TAFA4: variants seen among roughly 807,000 people sequenced by gnomAD.
TAFA4 encodes the protein TAFA chemokine like family member 4.
Under a neutral mutation model 21.1 loss-of-function variants are expected in TAFA4, and 20 were observed. The observed-to-expected ratio is 0.95, with a 90% CI of 0.67 to 1.38. The LOEUF is 1.38. TAFA4 is among the 40% of genes most tolerant of loss of function. The pLI is 0.00. For missense variants in TAFA4, 211 were observed against 180.9 expected (o/e 1.17, Z -0.95); for synonymous variants, 71 against 67.4 (o/e 1.05, Z -0.26).
intron 3 of TAFA4, among the ~76,000 whole-genome samples, chr3:68,763,312 C>A (rs1302506218): frequency 1.3e-5 from 2 of 152,118 alleles, no homozygotes; most frequent in African/African-American, 4.8e-5. Context: ...TACATTATTT[C>A]CCCTGAAAAG....
chr3:68,740,885 C>T (rs1199860033), intron 4 of TAFA4, among the ~76,000 whole-genome samples: 1 of 152,178 alleles, frequency 6.6e-6, no homozygotes. Flanking sequence ...TTTCCCAGCA[C>T]CCTTTATTGA....
chr3:68,791,251 G>C (rs1378277396), intron 3 of TAFA4, among the ~76,000 whole-genome samples: 1 of 152,208 alleles, frequency 6.6e-6, no homozygotes, highest in African/African-American at 2.4e-5. Context: ...ACCTTTCCAT[G>C]TGTAATCAAG....
intron 1 of TAFA4, among the ~76,000 whole-genome samples, chr3:68,930,841 A>T (rs901340939): frequency 2.6e-4 from 39 of 152,236 alleles, no homozygotes; most frequent in African/African-American, 9.4e-4. Context: ...GAATTCTTCA[A>T]GTCATACATT....
chr3:68,734,887 T>G (rs961597217), intron 5 of TAFA4, among the ~76,000 whole-genome samples: 4 of 152,158 alleles, frequency 2.6e-5, no homozygotes, highest in Non-Finnish European at 5.9e-5. Context: ...CAAAAGCATC[T>G]TCTTTGAGGC....
At chr3:68,816,705 G>C (rs912713116) in intron 3 of TAFA4, among the ~76,000 whole-genome samples, 1 of 152,112 alleles carries the variant, frequency 6.6e-6, no homozygotes, top group African/African-American at 2.4e-5. Context: ...GTATCTCTGA[G>C]ATATTGCAAG....
intron 3 of TAFA4, among the ~76,000 whole-genome samples, chr3:68,796,449 G>A (rs1703455107): frequency 6.6e-6 from 1 of 152,074 alleles, no homozygotes; most frequent in African/African-American, 2.4e-5. Flanking sequence ...CCAAAAGAAT[G>A]TGGCAGGGTT....
chr3:68,931,517 CT>C (rs1331248388), intron 1 of TAFA4, among the ~76,000 whole-genome samples: 2 of 152,304 alleles, frequency 1.3e-5, no homozygotes, highest in East Asian at 3.9e-4. Flanking sequence ...TCCCGAGCTC[CT>C]TGCGTAGGGT....
chr3:68,853,504 G>T (rs1245210632), intron 3 of TAFA4, among the ~76,000 whole-genome samples: 2 of 152,092 alleles, frequency 1.3e-5, no homozygotes, highest in African/African-American at 4.8e-5. Flanking sequence ...TTTGAAGAAG[G>T]TCTGGGAAGA....
chr3:68,757,891 A>T (rs1702687234), intron 3 of TAFA4, among the ~76,000 whole-genome samples: 1 of 152,194 alleles, frequency 6.6e-6, no homozygotes, highest in South Asian at 2.1e-4. Flanking sequence ...GGCATCTTAG[A>T]TTTGATAAAA....
chr3:68,826,509 C>A (rs1001001918), intron 3 of TAFA4, among the ~76,000 whole-genome samples: 4 of 148,860 alleles, frequency 2.7e-5, no homozygotes, highest in Admixed American at 6.7e-5. Flanking sequence ...GGAGGCAGAG[C>A]TTGCAGTGAG....
intron 1 of TAFA4, among the ~76,000 whole-genome samples, chr3:68,929,708 T>C (rs2090142251): frequency 6.6e-6 from 1 of 152,264 alleles, no homozygotes; most frequent in South Asian, 2.1e-4. Context: ...AATCTACTTA[T>C]GCAAATTCTA....
intron 3 of TAFA4, among the ~76,000 whole-genome samples, chr3:68,764,594 G>C (rs1702813612): frequency 6.6e-6 from 1 of 152,148 alleles, no homozygotes; most frequent in Admixed American, 6.5e-5. Flanking sequence ...TATATATGTA[G>C]TAAATTGGCT....
intron 4 of TAFA4, among the ~76,000 whole-genome samples, chr3:68,750,802 C>G (rs2106749521): frequency 6.6e-6 from 1 of 152,222 alleles, no homozygotes; most frequent in Middle Eastern, 3.4e-3. Flanking sequence ...CATTTAAGGC[C>G]TACAGAGGCA....
At chr3:68,861,541 T>G (rs2089344505) in intron 3 of TAFA4, among the ~76,000 whole-genome samples, 1 of 151,938 alleles carries the variant, frequency 6.6e-6, no homozygotes, top group Non-Finnish European at 1.5e-5. Context: ...TTTCTTCACA[T>G]AATATTATAA....
intron 3 of TAFA4, among the ~76,000 whole-genome samples, chr3:68,834,987 G>C (rs185655926): frequency 1.3e-5 from 2 of 152,212 alleles, no homozygotes; most frequent in South Asian, 2.1e-4. Flanking sequence ...TCCTACTCAG[G>C]ATAGAAGCCA....
At chr3:68,872,085 G>C (rs997694119) in intron 3 of TAFA4, among the ~76,000 whole-genome samples, 4 of 151,990 alleles carry the variant, frequency 2.6e-5, no homozygotes, top group Non-Finnish European at 5.9e-5. Context: ...GAATATCAAG[G>C]AGATAACTAT....
At chr3:68,815,883 C>T (rs1703963720) in intron 3 of TAFA4, among the ~76,000 whole-genome samples, 1 of 152,172 alleles carries the variant, frequency 6.6e-6, no homozygotes, top group Non-Finnish European at 1.5e-5. Flanking sequence ...TATTGTGGCA[C>T]TATTCACAAT....
intron 3 of TAFA4, among the ~76,000 whole-genome samples, chr3:68,806,142 C>A (rs559898793): frequency 2.0e-5 from 3 of 151,924 alleles, no homozygotes; most frequent in Non-Finnish European, 4.4e-5. Context: ...AGGACTTGGG[C>A]AGTATTTCAT....
chr3:68,880,601 T>C (rs1199469164), intron 3 of TAFA4, 129 bp downstream of exon 3: 4 of 695,166 alleles, frequency 5.8e-6, no homozygotes, highest in Non-Finnish European at 9.9e-6. Context: ...TCCGCCATAT[T>C]TCATGCTTCC....
Sources: gnomAD v4.1 joint callset for allele counts (sites outside exome capture counted in the v4.1 genomes callset) on GRCh38, gnomAD v4.1.1 for gene constraint, MANE v1.5 for transcripts, NCBI Gene and HGNC (gene_info 2026-07-23, HGNC 2026-07-21) for gene names.